The following NEB variants were observed in gnomAD, a reference collection of about 807,000 sequenced individuals.
NEB encodes the protein nebulin.
A neutral mutation model predicts 952.2 loss-of-function variants in NEB; 512 were observed. The ratio of observed to expected loss-of-function variants is 0.54; its 90% CI spans 0.50 to 0.58. The LOEUF (loss-of-function observed/expected upper bound fraction) is 0.58. Among genes scored for constraint, NEB ranks in the 20% least tolerant of loss-of-function variants. The probability of loss-of-function intolerance (pLI) is 0.00; values close to 1 mark genes in which losing one functional copy is unlikely to be tolerated. For synonymous variants in NEB, 2,900 were observed against 3,149.8 expected, an observed-to-expected ratio of 0.92 and a Z score of 2.66; for missense variants, 8,428 against 9,231.1, an observed-to-expected ratio of 0.91 and a Z score of 3.56.
chr2:151,641,742 G>T (rs1260435909), intron 60 of NEB, among the ~76,000 whole-genome samples: 1 of 150,822 alleles, frequency 6.6e-6, no homozygotes, highest in Non-Finnish European at 1.5e-5. Flanking sequence ...TGGAAATAAA[G>T]AAAAAAATCT....
intron 72 of NEB, 52 bp from the exon 73 acceptor site, chr2:151,619,814 G>C: frequency 6.5e-7 from 1 of 1,533,576 alleles, no homozygotes; most frequent in South Asian, 1.3e-5. Flanking sequence ...GCTATTCCCT[G>C]TTGTTCTTTC....
At position 151,612,372 on chromosome 2, in the gene NEB, A is replaced by T; in HGVS notation, c.11619T>A (p.Asp3873Glu). Reference protein sequence around the residue: ...DLQSDAIYKSDLEWLRGIGWV... With the variant: ...DLQSDAIYKSELEWLRGIGWV... ...ATCCTATGCCTCTCAGCCACTCAAGATCAGATTTGTAAATAGCCTGAAAAT... is the reference window on the plus strand; with the variant it reads ...ATCCTATGCCTCTCAGCCACTCAAGTTCAGATTTGTAAATAGCCTGAAAAT... Residue 3873 changes from aspartate (D) to glutamate (E), a missense_variant, in exon 78 of 182, where the codon GAT becomes GAA. Asp to Glu is a conservative substitution (Grantham distance 45). Around this residue, in one of 11 missense-constraint regions of NEB, gnomAD observed 337 missense variants for 297.5 expected, o/e 1.13. Transcript: ENST00000397345. 3 of 1,613,694 alleles carry T rather than the reference A, an allele frequency of 1.9e-6. No homozygotes were observed. Among genetic ancestry groups the T allele is most frequent in the Non-Finnish European group, 1.7e-6 (2 of 1,179,728 alleles).
chr2:151,537,062 C>T (rs2093321982), intron 141 of NEB, 70 bp downstream of exon 141: 1 of 898,002 alleles, frequency 1.1e-6, no homozygotes, highest in African/African-American at 1.7e-5. Flanking sequence ...GACTATTTCT[C>T]AGTGCTAATT....
rs753638647 is a variant in NEB at position 151,709,706 on chromosome 2, C to T, written c.985G>A (p.Glu329Lys). ...TTATTCATTTTATACTCTGGTGTTT[C>T]GGTCTGCATGAAGTAGATCTGGTCT... ...MKDQIYFMQTETPEYKMNKKA... is the reference protein window; with the variant it reads ...MKDQIYFMQTKTPEYKMNKKA... The change falls in exon 12 of 182, where the codon GAA (glutamate) becomes AAA (lysine). Residue 329 changes from glutamate (E) to lysine (K), a missense_variant. Transcript: ENST00000397345. The T allele has an allele frequency of 5.0e-6, 8 of 1,606,036 alleles. No homozygotes were observed. The highest frequency in any genetic ancestry group is 6.0e-6 in the Non-Finnish European group (7 of 1,175,746).
chr2:151,506,107 C>T, intron 164 of NEB, 59 bp downstream of exon 164: 2 of 1,388,058 alleles, frequency 1.4e-6, no homozygotes, highest in Non-Finnish European at 2.1e-6. Flanking sequence ...ACTCATAGGT[C>T]ATTGTAAATT....
chr2:151,690,549 C>T, intron 24 of NEB, 178 bp downstream of exon 24: 1 of 580,232 alleles, frequency 1.7e-6, no homozygotes, highest in Non-Finnish European at 3.1e-6. Flanking sequence ...TCTAACACAA[C>T]TTTCCTCAGG....
chr2:151,524,494 A>T, intron 152 of NEB, 21 bp downstream of exon 152: 1 of 1,613,246 alleles, frequency 6.2e-7, no homozygotes. Flanking sequence ...GGGACTGGGG[A>T]CATTTTCATG....
At chr2:151,526,123 G>C (rs778669096) in intron 149 of NEB, 35 bp downstream of exon 149, 2 of 1,611,844 alleles carry the variant, frequency 1.2e-6, no homozygotes, top group South Asian at 2.2e-5. Flanking sequence ...GTTCTCCCAA[G>C]AGGGAAGCAG....
At chr2:151,520,934 T>C (rs2081533172) in intron 153 of NEB, among the ~76,000 whole-genome samples, 2 of 152,192 alleles carry the variant, frequency 1.3e-5, no homozygotes, top group African/African-American at 4.8e-5. Context: ...CATCTCCTAA[T>C]TGAAAAACAA....
At chr2:151,576,810 C>G (rs934007229) in intron 105 of NEB, among the ~76,000 whole-genome samples, 4 of 151,994 alleles carry the variant, frequency 2.6e-5, no homozygotes, top group African/African-American at 9.7e-5. Flanking sequence ...GCTGGGATTA[C>G]AGGCATGAGC....
intron 10 of NEB, among the ~76,000 whole-genome samples, chr2:151,712,097 C>T (rs913480845): frequency 6.6e-5 from 10 of 152,124 alleles, no homozygotes; most frequent in Non-Finnish European, 1.2e-4. Context: ...ACAGTTATAA[C>T]TTCAGAGGTT....
chr2:151,684,995 A>C lies in NEB; in HGVS notation c.2638-20T>G. On this transcript the variant is annotated intron_variant, in intron 27 of 181. Coordinates refer to ENST00000397345, the MANE Select transcript of NEB (RefSeq NM_001164508.2). Reference sequence around the variant, plus strand: ...TTCGCGCTGTGAATAGGAAATTATCATTTATTATCACAAATCCTCGATGGA... The same window carrying C: ...TTCGCGCTGTGAATAGGAAATTATCCTTTATTATCACAAATCCTCGATGGA... The C allele has an allele frequency of 6.4e-7, 1 of 1,555,402 alleles. No homozygotes were observed. The highest frequency in any genetic ancestry group is 1.2e-5 in the South Asian group (1 of 85,568).
intron 13 of NEB, 135 bp downstream of exon 13, chr2:151,706,746 A>G (rs2099708147): frequency 4.5e-6 from 3 of 664,292 alleles, no homozygotes; most frequent in Admixed American, 2.9e-5. Context: ...CTGTGGTTAC[A>G]TAGTTCCAAT....
chr2:151,633,941 T>C lies in NEB; in HGVS notation c.9127A>G (p.Lys3043Glu). 1 of 1,613,528 alleles carries C rather than the reference T, an allele frequency of 6.2e-7. No individual in the cohort carries two copies. The highest frequency in any genetic ancestry group is 8.5e-7 in the Non-Finnish European group (1 of 1,179,534). The change falls in exon 65 of 182, where the codon AAG becomes GAG. Residue 3043 changes from lysine to glutamate, a missense_variant. By Grantham distance (56) the Lys-to-Glu change is moderately conservative (BLOSUM62 1). Transcript: ENST00000397345. Reference protein sequence around the residue: ...SDYKYKDGYCKQLGHHIGARN... With the variant: ...SDYKYKDGYCEQLGHHIGARN... The stretch of plus-strand genomic sequence containing the variant: ...GCTCCAATATGGTGGCCAAGTTGCT[T>C]GCAGTAACCATCTTTATATTTGTAC...
At chr2:151,492,555 T>C (rs1290647726) in intron 176 of NEB, 61 bp from the exon 177 acceptor site, 4 of 1,282,574 alleles carry the variant, frequency 3.1e-6, no homozygotes, top group African/African-American at 1.5e-5. Context: ...TCAAAGCCTT[T>C]CCAGCAGATA....
intron 71 of NEB, among the ~76,000 whole-genome samples, 194 bp downstream of exon 71, chr2:151,625,340 G>C (rs373421444): frequency 6.6e-6 from 1 of 152,012 alleles, no homozygotes; most frequent in East Asian, 1.9e-4. Flanking sequence ...CTGTCTATCT[G>C]TCTGTCTAAT....
chr2:151,655,421 G>T, intron 50 of NEB, 47 bp from the exon 51 acceptor site: 1 of 1,113,816 alleles, frequency 9.0e-7, no homozygotes, highest in Non-Finnish European at 1.3e-6. Flanking sequence ...ACTGGGACAA[G>T]CAGGAAAGAA....
At chr2:151,710,672 A>T (rs942084441) in intron 10 of NEB, 134 bp from the exon 11 acceptor site, 16 of 531,478 alleles carry the variant, frequency 3.0e-5, no homozygotes, top group African/African-American at 2.5e-4. Flanking sequence ...AAATGCCTTT[A>T]AAAAAAATCT....
intron 168 of NEB, 78 bp downstream of exon 168, chr2:151,501,313 G>T: frequency 1.0e-6 from 1 of 954,912 alleles, no homozygotes; most frequent in Non-Finnish European, 1.6e-6. Flanking sequence ...TTATTATAAA[G>T]GGATGAACAG....
Sources: gnomAD v4.1 joint callset for allele counts (sites outside exome capture counted in the v4.1 genomes callset) on GRCh38, gnomAD v4.1.1 for gene constraint, gnomAD v4.1.1 regional missense constraint, MANE v1.5 for transcripts, NCBI Gene and HGNC (gene_info 2026-07-23, HGNC 2026-07-21) for gene names.